Variants in IL34 observed in about 807,000 individuals in gnomAD.
The protein encoded by IL34 is interleukin-34.
Under a neutral mutation model 25.3 loss-of-function variants are expected in IL34, and 17 were observed. The ratio of observed to expected loss-of-function variants is 0.67; its 90% CI spans 0.46 to 1.01. The LOEUF (loss-of-function observed/expected upper bound fraction) is 1.01, where lower values mean the gene tolerates loss of function less well. IL34 is among the 50% of genes least tolerant of loss of function. The pLI is 0.00. For missense variants in IL34, 368 were observed against 312.9 expected (o/e 1.18, Z -1.33); for synonymous variants, 174 against 140.9 (o/e 1.23, Z -1.66).
At chr16:70,657,972 T>C (rs12922868) in intron 4 of IL34, among the ~76,000 whole-genome samples, 20,719 of 152,042 alleles carry the variant, frequency 0.14, 1,500 homozygotes, top group South Asian at 0.21. Flanking sequence ...CTCAGGGATA[T>C]TATCCTCTAA....
chr16:70,590,461 C>T (rs2050739935), intron 1 of IL34, among the ~76,000 whole-genome samples: 1 of 152,160 alleles, frequency 6.6e-6, no homozygotes, highest in Admixed American at 6.5e-5. Context: ...CGACGCTGTG[C>T]ACCTCTCTGA....
At chr16:70,589,919 G>A (rs1227344903) in intron 1 of IL34, among the ~76,000 whole-genome samples, 3 of 152,166 alleles carry the variant, frequency 2.0e-5, no homozygotes, top group Non-Finnish European at 2.9e-5. Flanking sequence ...CACTGCACCC[G>A]GCCTTACCAT....
At chr16:70,599,293 C>CTTTCTTTCTTTCTTTCTTTCT (rs113794220) in intron 1 of IL34, among the ~76,000 whole-genome samples, 1 of 132,700 alleles carries the variant, frequency 7.5e-6, no homozygotes, top group Non-Finnish European at 1.6e-5. Context: ...TTCTTTCTTT[C>CTTTCTTTCTTTCTTTCTTTCT]TTCTTTCTTT....
intron 1 of IL34, among the ~76,000 whole-genome samples, chr16:70,616,588 T>A (rs1210493513): frequency 6.6e-6 from 1 of 152,132 alleles, no homozygotes; most frequent in East Asian, 1.9e-4. Context: ...GAAAAGAGAG[T>A]CAGCAAAGCG....
At position 70,659,627 on chromosome 16, in the gene IL34, G is replaced by A; in HGVS notation, c.412G>A (p.Val138Ile). Residue 138 changes from valine to isoleucine, a missense_variant, in exon 5 of 6, where the codon GTC becomes ATC. Physicochemically the swap from Val to Ile is conservative, Grantham distance 29 (BLOSUM62 3). Coordinates refer to ENST00000288098, the MANE Select transcript of IL34 (RefSeq NM_001393494.1). ...GTTTCCTCCTTTCCAGGATGTGGAGGTCAGCCCCAAGGTGGAATCCGTGTT... is the reference window on the plus strand; with the variant it reads ...GTTTCCTCCTTTCCAGGATGTGGAGATCAGCCCCAAGGTGGAATCCGTGTT... ...NVQQGLTDVE[V>I]SPKVESVLSL... The A allele has an allele frequency of 3.1e-6, 5 of 1,608,020 alleles. No homozygotes were observed. In the South Asian group the frequency reaches 5.5e-5, roughly 18 times the overall value.
chr16:70,623,756 T>C (rs889520977), intron 1 of IL34, among the ~76,000 whole-genome samples: 1 of 151,454 alleles, frequency 6.6e-6, no homozygotes, highest in Non-Finnish European at 1.5e-5. Flanking sequence ...TTAGTTAAAG[T>C]GTCTCGGCCT....
intron 1 of IL34, among the ~76,000 whole-genome samples, chr16:70,640,479 C>G (rs1383043845): frequency 1.3e-5 from 2 of 151,838 alleles, no homozygotes; most frequent in African/African-American, 4.8e-5. Flanking sequence ...CAAAAGTTAG[C>G]CGGGTGTGGT....
chr16:70,592,083 C>G (rs1260277539), intron 1 of IL34, among the ~76,000 whole-genome samples: 1 of 57,242 alleles, frequency 1.7e-5, no homozygotes, highest in East Asian at 4.8e-4. Flanking sequence ...TCCTTCTACT[C>G]CCCCCACCAC....
chr16:70,660,176 C>G lies in IL34; in HGVS notation c.718C>G (p.Leu240Val), dbSNP rs1395584552. The G allele has an allele frequency of 6.3e-7, 1 of 1,584,964 alleles. No homozygotes were observed. The highest frequency in any genetic ancestry group is 8.6e-7 in the Non-Finnish European group (1 of 1,167,230). ...GCCGGTCAGGGCACAGGGCGAGGGC[C>G]TCTTGCCCTGAGCACCCTGGATGGT... ...VRPVRAQGEGLLP is the reference protein window; with the variant it reads ...VRPVRAQGEGVLP The change falls in exon 6 of 6, where the codon CTC becomes GTC. Residue 240 changes from leucine (L) to valine (V), a missense_variant. Physicochemically the swap from Leu to Val is conservative, Grantham distance 32 (BLOSUM62 1). Coordinates refer to ENST00000288098, the MANE Select transcript of IL34 (RefSeq NM_001393494.1).
At chr16:70,580,639 G>T (rs1673299497) in intron 1 of IL34, among the ~76,000 whole-genome samples, 1 of 151,850 alleles carries the variant, frequency 6.6e-6, no homozygotes, top group African/African-American at 2.4e-5. Context: ...AAGTTAGCCG[G>T]GTGTGGTGGT....
intron 4 of IL34, among the ~76,000 whole-genome samples, chr16:70,659,400 A>G (rs1416434659): frequency 6.6e-6 from 1 of 152,192 alleles, no homozygotes; most frequent in African/African-American, 2.4e-5. Flanking sequence ...TGGAAAAGCG[A>G]AGCCTCTGAG....
At chr16:70,600,472 C>T (rs554380769) in intron 1 of IL34, among the ~76,000 whole-genome samples, 2 of 152,300 alleles carry the variant, frequency 1.3e-5, no homozygotes, top group Admixed American at 6.5e-5. Flanking sequence ...CAGAACACAG[C>T]GCTGCACATG....
intron 1 of IL34, among the ~76,000 whole-genome samples, chr16:70,587,535 G>T (rs1200402989): frequency 1.1e-4 from 16 of 151,844 alleles, no homozygotes; most frequent in African/African-American, 3.4e-4. Flanking sequence ...CGTCCCAAAG[G>T]GCTGGGATTA....
rs372998917 is a variant in IL34 at position 70,660,138 on chromosome 16, C to G, written c.680C>G (p.Thr227Arg). 6.2e-7 allele frequency: 1 copy of G among 1,610,792 alleles called. No individual in the cohort carries two copies. The highest frequency in any genetic ancestry group is 8.5e-7 in the Non-Finnish European group (1 of 1,178,806). The change falls in exon 6 of 6, where the codon ACG (threonine) becomes AGG (arginine). Residue 227 changes from threonine (T) to arginine (R), a missense_variant. Coordinates refer to ENST00000288098, the MANE Select transcript of IL34 (RefSeq NM_001393494.1). ...TCCCCCAGCTCCCCGCCTCACTCCA[C>G]GGGCTCGGTGAGGCCGGTCAGGGCA... ...PWSPSSPPHS[T>R]GSVRPVRAQG... is the part of the protein sequence containing the mutation.
chr16:70,652,035 G>C (rs572604326), intron 1 of IL34, among the ~76,000 whole-genome samples: 126 of 152,164 alleles, frequency 8.3e-4, no homozygotes, highest in African/African-American at 3.0e-3. Context: ...GGCTGAGGCA[G>C]GAGAATGGCA....
At chr16:70,636,530 T>C (rs376623320) in intron 1 of IL34, among the ~76,000 whole-genome samples, 1 of 151,540 alleles carries the variant, frequency 6.6e-6, no homozygotes, top group African/African-American at 2.4e-5. Context: ...TCCCAGCACT[T>C]GGGGAGGCTG....
At chr16:70,652,148 T>A (rs2052097307) in intron 1 of IL34, among the ~76,000 whole-genome samples, 1 of 147,806 alleles carries the variant, frequency 6.8e-6, no homozygotes, top group African/African-American at 2.5e-5. Context: ...TAAATAAAAA[T>A]AAAAATAAAT....
intron 1 of IL34, among the ~76,000 whole-genome samples, chr16:70,634,103 G>A (rs1391915543): frequency 2.0e-5 from 3 of 151,778 alleles, no homozygotes; most frequent in African/African-American, 4.8e-5. Flanking sequence ...TGCCCGCCTC[G>A]GCCTCCCAAA....
upstream of IL34, among the ~76,000 whole-genome samples, chr16:70,643,412 C>T (rs1166709306): frequency 6.6e-6 from 1 of 152,128 alleles, no homozygotes; most frequent in Non-Finnish European, 1.5e-5. Context: ...GCTTTGTCAC[C>T]CATGCTGGAG....
Sources: allele counts gnomAD v4.1 joint callset (sites outside exome capture counted in the v4.1 genomes callset), GRCh38; gene constraint gnomAD v4.1.1; transcripts MANE v1.5; gene names NCBI Gene and HGNC (gene_info 2026-07-23, HGNC 2026-07-21).